SAMMSON: variants seen among roughly 807,000 people sequenced by gnomAD.
The protein encoded by SAMMSON is long intergenic non-protein coding RNA 1212.
Position 70,257,258 on chromosome 3 carries a change from G to A in SAMMSON, n.674+7588G>A, listed in dbSNP as rs75233368. Reference sequence around the variant, plus strand: ...CATTCCTTAAAACCTGGCACATCTGGCCATTCAAAAAAGTTCAAGAATAGA... The same window carrying A: ...CATTCCTTAAAACCTGGCACATCTGACCATTCAAAAAAGTTCAAGAATAGA... On this transcript the variant is annotated intron_variant and non_coding_transcript_variant, in intron 6 of 9. Transcript: ENST00000642114. 5.1e-3 allele frequency among the ~76,000 whole-genome samples: 784 copies of A among 152,268 alleles called. 2 individuals carry two copies. The highest frequency in any genetic ancestry group is 0.018 in the African/African-American group (731 of 41,550).
At chr3:70,043,708 T>C (rs60618858) in intron 3 of SAMMSON, among the ~76,000 whole-genome samples, 2,889 of 152,160 alleles carry the variant, frequency 0.019, 95 homozygotes, top group African/African-American at 0.064. Context: ...GTTGGGAACA[T>C]TGGCAGAAAG....
intron 1 of SAMMSON, among the ~76,000 whole-genome samples, chr3:70,006,082 G>A (rs917545090): frequency 1.3e-5 from 2 of 152,126 alleles, no homozygotes; most frequent in Non-Finnish European, 1.5e-5. Flanking sequence ...AAACATGCCT[G>A]AAAGCAAAAA....
At chr3:70,372,544 C>A (rs1702979493) in intron 9 of SAMMSON, among the ~76,000 whole-genome samples, 1 of 152,112 alleles carries the variant, frequency 6.6e-6, no homozygotes, top group South Asian at 2.1e-4. Context: ...AGATGATCCA[C>A]CTGCCTTGGC....
chr3:70,233,363 C>A (rs1277839194), intron 4 of SAMMSON, among the ~76,000 whole-genome samples: 1 of 152,186 alleles, frequency 6.6e-6, no homozygotes, highest in African/African-American at 2.4e-5. Flanking sequence ...TGACCTGTGA[C>A]AGTAAGCAAG....
chr3:70,202,269 T>C (rs539848737), intron 4 of SAMMSON, among the ~76,000 whole-genome samples: 107 of 152,236 alleles, frequency 7.0e-4, no homozygotes, highest in Admixed American at 3.7e-3. Context: ...GGTCAGTGAC[T>C]AGTGGTCTTT....
chr3:70,188,608 C>T (rs531927897), intron 4 of SAMMSON, among the ~76,000 whole-genome samples: 2 of 152,266 alleles, frequency 1.3e-5, no homozygotes, highest in South Asian at 2.1e-4. Flanking sequence ...AAAGAATAGA[C>T]ATCTCTCATG....
Position 70,207,564 on chromosome 3 carries a change from G to A in SAMMSON, n.508-41543G>A, listed in dbSNP as rs145882844. ...ACATCTCCTATACAGTTGGCCCTCC[G>A]TATCTGTGGGTTTCACATCCCCAAT... On this transcript the variant is annotated intron_variant and non_coding_transcript_variant, in intron 4 of 9. Transcript: ENST00000642114. Among the ~76,000 whole-genome samples the A allele has an allele frequency of 3.4e-4, 51 of 152,044 alleles. 2 individuals carry two copies. Among genetic ancestry groups the A allele is most frequent in the African/African-American group, 9.6e-4 (40 of 41,506 alleles).
At position 70,363,153 on chromosome 3, in the gene SAMMSON, G is replaced by A. The variant is rs142189347; in HGVS notation, n.913+4829G>A. Among the ~76,000 whole-genome samples the A allele has an allele frequency of 2.0e-5, 3 of 152,100 alleles. No individual in the cohort carries two copies. In the East Asian group the frequency reaches 5.8e-4, roughly 29 times the overall value. On this transcript the variant is annotated intron_variant and non_coding_transcript_variant, in intron 9 of 9. Transcript: ENST00000642114. Reference sequence around the variant, plus strand: ...TAATTGCAGAAAGCCAACAAAACTTGCCTAGTGGCAGAGAAGGAATATACC... The same window carrying A: ...TAATTGCAGAAAGCCAACAAAACTTACCTAGTGGCAGAGAAGGAATATACC...
chr3:70,005,523 G>A (rs2066923335), intron 1 of SAMMSON, among the ~76,000 whole-genome samples: 1 of 152,106 alleles, frequency 6.6e-6, no homozygotes, highest in Admixed American at 6.6e-5. Context: ...TACATTCAAA[G>A]TGGAAGCTCT....
At chr3:70,018,020 A>G (rs888656998) in intron 3 of SAMMSON, among the ~76,000 whole-genome samples, 57 of 152,260 alleles carry the variant, frequency 3.7e-4, no homozygotes, top group Admixed American at 1.7e-3. Context: ...ATCGATGTTC[A>G]TCAGGGATAT....
At position 70,096,288 on chromosome 3, in the gene SAMMSON, A is replaced by G. The variant is rs574633744; in HGVS notation, n.507+24723A>G. 9.2e-5 allele frequency among the ~76,000 whole-genome samples: 14 copies of G among 152,286 alleles called. No homozygotes were observed. The South Asian group carries it at 2.9e-3, about 32-fold the overall frequency. On this transcript the variant is annotated intron_variant and non_coding_transcript_variant, in intron 4 of 9. Transcript: ENST00000642114. ...GGCTGGTGCAGTGGCTCATGCCAGT[A>G]ATCCCAGCACTTTGGGAGGCCAAGG...
At position 70,088,799 on chromosome 3, in the gene SAMMSON, A is replaced by G. The variant is rs547329405; in HGVS notation, n.507+17234A>G. 5.3e-5 allele frequency among the ~76,000 whole-genome samples: 8 copies of G among 152,304 alleles called. 1 individual carries two copies. In the South Asian group the frequency reaches 1.7e-3, roughly 32 times the overall value. On this transcript the variant is annotated intron_variant and non_coding_transcript_variant, in intron 4 of 9. Transcript: ENST00000642114. ...AGTTCCTTGCATTCAGAAACTTGCA[A>G]GCCTCTCTATTGGTTATGATTTTCT... is the stretch of plus-strand genomic sequence containing the variant.
rs545657044 is a variant in SAMMSON, at chr3:70,126,989, A to T, written n.507+55424A>T. The T allele has an allele frequency of 2.8e-3, 426 of 152,984 alleles. 1 individual carries two copies. The highest frequency in any genetic ancestry group is 4.8e-3 in the Non-Finnish European group (329 of 68,568). The allele number at this position is 152,984 out of a possible 1,614,324, so 9.5% of individuals were successfully genotyped here. A position where few individuals can be genotyped will look rare whatever the true frequency, so the allele number is the denominator to read the frequency against. On this transcript the variant is annotated intron_variant and non_coding_transcript_variant, in intron 4 of 9. Transcript: ENST00000642114. Reference sequence around the variant, plus strand: ...CTTGGCCTTCCAAAGTACTGGGATTATAGGAGTTGGCCACTGTGCCTGGCC... The same window carrying T: ...CTTGGCCTTCCAAAGTACTGGGATTTTAGGAGTTGGCCACTGTGCCTGGCC...
intron 7 of SAMMSON, among the ~76,000 whole-genome samples, chr3:70,295,849 A>T (rs1281081184): frequency 1.3e-5 from 2 of 152,086 alleles, no homozygotes; most frequent in Non-Finnish European, 2.9e-5. Flanking sequence ...TATGAAGCTG[A>T]ATGTGGTTTA....
rs115193884 is a variant in SAMMSON, at chr3:70,272,739, T to C, written n.675-18440T>C. Among the ~76,000 whole-genome samples, 619 of 152,318 alleles carry C rather than the reference T, an allele frequency of 4.1e-3. 4 individuals are homozygous for C. Among genetic ancestry groups the C allele is most frequent in the African/African-American group, 0.015 (608 of 41,560 alleles). ...TTGCATTGCTGGAATGTACAAACAT[T>C]ATTATCCTTCCTCTAAATTCCCCTT... On this transcript the variant is annotated intron_variant and non_coding_transcript_variant, in intron 6 of 9. Coordinates refer to ENST00000642114, the Ensembl canonical transcript of SAMMSON.
intron 7 of SAMMSON, among the ~76,000 whole-genome samples, chr3:70,349,470 C>T (rs769747984): frequency 6.6e-6 from 1 of 152,106 alleles, no homozygotes; most frequent in Non-Finnish European, 1.5e-5. Context: ...TTGTTCACCT[C>T]ATTACAGTTA....
intron 3 of SAMMSON, among the ~76,000 whole-genome samples, chr3:70,023,823 G>T (rs900497173): frequency 6.6e-6 from 1 of 152,122 alleles, no homozygotes; most frequent in African/African-American, 2.4e-5. Flanking sequence ...AAATAGGCCT[G>T]GGCCAAATTT....
At chr3:70,066,969 G>A (rs2067212150) in intron 3 of SAMMSON, among the ~76,000 whole-genome samples, 1 of 152,146 alleles carries the variant, frequency 6.6e-6, no homozygotes, top group Non-Finnish European at 1.5e-5. Flanking sequence ...TAGGATATGT[G>A]TAGGAAAACT....
At chr3:70,432,310 A>C (rs1178897579) in intron 2 of SAMMSON, among the ~76,000 whole-genome samples, 2 of 151,446 alleles carry the variant, frequency 1.3e-5, no homozygotes, top group African/African-American at 4.9e-5. Flanking sequence ...GGTATATGTT[A>C]GTCCTTTCCT....
Sources: gnomAD v4.1 joint callset for allele counts (sites outside exome capture counted in the v4.1 genomes callset) on GRCh38, gnomAD v4.1.1 for gene constraint, MANE v1.5 for transcripts, NCBI Gene and HGNC (gene_info 2026-07-23, HGNC 2026-07-21) for gene names.